The following NSUN6 variants were observed in gnomAD, a reference collection of about 807,000 sequenced individuals.
NSUN6 encodes NOP2/Sun RNA methyltransferase 6, also known as tRNA (cytosine(72)-C(5))-methyltransferase NSUN6.
Under a neutral mutation model 58.0 loss-of-function variants are expected in NSUN6, and 64 were observed. The observed-to-expected ratio is 1.10, with a 90% CI of 0.90 to 1.36. The LOEUF is 1.36. NSUN6 is among the 40% of genes most tolerant of loss of function. NSUN6 has a pLI of 0.00. For missense variants in NSUN6, 701 were observed against 550.1 expected, an observed-to-expected ratio of 1.27 and a Z score of -2.74; for synonymous variants, 231 against 193.9, an observed-to-expected ratio of 1.19 and a Z score of -1.59.
At chr10:18,570,348 A>C (rs1039442335) in intron 8 of NSUN6, among the ~76,000 whole-genome samples, 3 of 145,560 alleles carry the variant, frequency 2.1e-5, no homozygotes, top group African/African-American at 7.7e-5. Context: ...TCCATTCCAT[A>C]TTCAATTCCA....
intron 8 of NSUN6, among the ~76,000 whole-genome samples, chr10:18,565,343 T>G (rs1345298759): frequency 1.3e-5 from 2 of 150,022 alleles, no homozygotes; most frequent in Admixed American, 1.3e-4. Context: ...TCCCTTCCAT[T>G]CTCCATTCTA....
At chr10:18,624,692 G>A (rs948597525) in intron 3 of NSUN6, among the ~76,000 whole-genome samples, 14 of 146,514 alleles carry the variant, frequency 9.6e-5, no homozygotes, top group African/African-American at 2.8e-4. Flanking sequence ...AAAGATCAGT[G>A]AATGGAGTTG....
At chr10:18,556,643 T>A (rs1374894563) in intron 8 of NSUN6, among the ~76,000 whole-genome samples, 1 of 144,734 alleles carries the variant, frequency 6.9e-6, no homozygotes, top group African/African-American at 2.6e-5. Context: ...GAGAACGGAA[T>A]GGAGAATGGA....
intron 6 of NSUN6, among the ~76,000 whole-genome samples, chr10:18,597,340 T>C (rs906681604): frequency 3.9e-5 from 6 of 152,216 alleles, no homozygotes; most frequent in South Asian, 2.1e-4. Flanking sequence ...TTTGGTTATT[T>C]TGGAGACAGA....
chr10:18,577,452 G>C (rs965282986), intron 8 of NSUN6, among the ~76,000 whole-genome samples: 2 of 152,114 alleles, frequency 1.3e-5, no homozygotes, highest in Non-Finnish European at 2.9e-5. Context: ...TCTTCTTCTT[G>C]GGTGCTGTGT....
Position 18,648,596 on chromosome 10 carries a change from A to T in NSUN6, c.125T>A (p.Leu42Ter), listed in dbSNP as rs1458397960. Residue 42 changes from leucine (L) to a stop codon, truncating the protein, a stop_gained, in exon 2 of 11, where the codon TTG becomes TAG. Coordinates refer to ENST00000377304, the MANE Select transcript of NSUN6 (RefSeq NM_182543.5). LOFTEE classifies it high-confidence loss of function. ...TGGAGGATGTGACAGGTGCTTTAAC[A>T]AAGTTTCAAACTTCCTTTCTGCTTC... ...KQEAERKFET[L>*]LKHLSHPPSF... 1 of 1,607,660 alleles carries T rather than the reference A, an allele frequency of 6.2e-7. No individual in the cohort carries two copies. The highest frequency in any genetic ancestry group is 8.5e-7 in the Non-Finnish European group (1 of 1,174,524).
At chr10:18,602,892 A>G (rs1365055456) in intron 6 of NSUN6, among the ~76,000 whole-genome samples, 1 of 152,234 alleles carries the variant, frequency 6.6e-6, no homozygotes, top group East Asian at 1.9e-4. Flanking sequence ...TACAAGTGGT[A>G]AGTCAAAGTT....
intron 3 of NSUN6, among the ~76,000 whole-genome samples, chr10:18,638,987 G>A (rs1205513534): frequency 2.0e-5 from 3 of 150,212 alleles, no homozygotes; most frequent in African/African-American, 7.3e-5. Flanking sequence ...GGCCATGGTG[G>A]CTGGCACTTG....
At chr10:18,554,719 A>G (rs2054856645) in intron 8 of NSUN6, among the ~76,000 whole-genome samples, 1 of 151,244 alleles carries the variant, frequency 6.6e-6, no homozygotes, top group Non-Finnish European at 1.5e-5. Context: ...GAGAGAATGC[A>G]GTGGAGTGGA....
intron 3 of NSUN6, among the ~76,000 whole-genome samples, chr10:18,627,773 G>A (rs933806714): frequency 3.3e-5 from 5 of 152,264 alleles, no homozygotes; most frequent in Admixed American, 1.3e-4. Flanking sequence ...ACGGAGTCTC[G>A]CTGATTGCTA....
upstream of NSUN6, chr10:18,652,665 T>C (rs926233989): frequency 1.4e-6 from 1 of 708,950 alleles, no homozygotes; most frequent in Admixed American, 6.4e-5. Context: ...GTTCAAGAGA[T>C]TCTCCTGCCT....
At chr10:18,549,967 A>T (rs910523512) in intron 9 of NSUN6, among the ~76,000 whole-genome samples, 4 of 152,334 alleles carry the variant, frequency 2.6e-5, no homozygotes, top group African/African-American at 7.2e-5. Flanking sequence ...CCTGCTACTC[A>T]GATATAGAAA....
At position 18,651,160 on chromosome 10, in the gene NSUN6, T is replaced by A; in HGVS notation, c.44A>T (p.Asn15Ile). 6.3e-7 allele frequency: 1 copy of A among 1,583,756 alleles called. No individual in the cohort carries two copies. Among genetic ancestry groups the A allele is most frequent in the African/African-American group, 1.4e-5 (1 of 72,690 alleles). ...ATTCATAAAGCCTTCCTTAAGATAG[T>A]TTTCAACCTCAGGTCTCAAAGATAT... ...PKISLRPEVE[N>I]YLKEGFMNKE... The change falls in exon 1 of 11, where the codon AAC (asparagine) becomes ATC (isoleucine). Residue 15 changes from asparagine (N) to isoleucine (I), a missense_variant. Physicochemically the swap from Asn to Ile is moderately radical, Grantham distance 149 (BLOSUM62 -3). Transcript: ENST00000377304.
At chr10:18,552,768 T>C (rs1467907896) in intron 8 of NSUN6, among the ~76,000 whole-genome samples, 1 of 146,462 alleles carries the variant, frequency 6.8e-6, no homozygotes, top group Non-Finnish European at 1.6e-5. Flanking sequence ...CTATTCTCCA[T>C]TCCATTTGAT....
At chr10:18,646,357 T>C (rs574728794) in intron 2 of NSUN6, among the ~76,000 whole-genome samples, 1 of 152,282 alleles carries the variant, frequency 6.6e-6, no homozygotes, top group East Asian at 1.9e-4. Context: ...AAGTACACTT[T>C]CTTACTAGAA....
At chr10:18,552,744 T>C (rs570987921) in intron 8 of NSUN6, among the ~76,000 whole-genome samples, 14 of 151,610 alleles carry the variant, frequency 9.2e-5, no homozygotes, top group African/African-American at 3.4e-4. Context: ...CTCCATTCAA[T>C]TCTCTACTCC....
intron 3 of NSUN6, among the ~76,000 whole-genome samples, chr10:18,619,568 A>C (rs1399937121): frequency 2.0e-5 from 3 of 152,100 alleles, no homozygotes; most frequent in Non-Finnish European, 4.4e-5. Flanking sequence ...CCTAACCTCT[A>C]ATATATCAAC....
intron 8 of NSUN6, among the ~76,000 whole-genome samples, chr10:18,579,054 C>G (rs1460859361): frequency 6.6e-6 from 1 of 152,184 alleles, no homozygotes; most frequent in Non-Finnish European, 1.5e-5. Context: ...CTAGGATCAC[C>G]AGAATGACCC....
At chr10:18,608,936 T>C (rs964177570) in intron 6 of NSUN6, among the ~76,000 whole-genome samples, 3 of 152,100 alleles carry the variant, frequency 2.0e-5, no homozygotes, top group African/African-American at 7.3e-5. Context: ...AATGTGCAAA[T>C]AGATAATAAT....
Sources: allele counts gnomAD v4.1 joint callset (sites outside exome capture counted in the v4.1 genomes callset), GRCh38; gene constraint gnomAD v4.1.1; transcripts MANE v1.5; gene names NCBI Gene and HGNC (gene_info 2026-07-23, HGNC 2026-07-21).